The following DAGLB variants were observed in gnomAD, a reference collection of about 807,000 sequenced individuals.
DAGLB encodes diacylglycerol lipase-beta.
In DAGLB, 66 loss-of-function variants were observed where a neutral mutation model predicts 72.1. The ratio of observed to expected loss-of-function variants is 0.92; its 90% CI spans 0.75 to 1.12. DAGLB has a LOEUF of 1.12. Among genes scored for constraint, DAGLB ranks in the 50% most tolerant of loss-of-function variants. The pLI, the probability that DAGLB is intolerant of heterozygous loss-of-function variation, is 0.00. For missense variants in DAGLB, 1,065 were observed against 884.9 expected (o/e 1.20, Z -2.58); for synonymous variants, 414 against 359.5 (o/e 1.15, Z -1.71).
At chr7:6,436,856 T>C (rs1360645901) in intron 2 of DAGLB, among the ~76,000 whole-genome samples, 2 of 151,950 alleles carry the variant, frequency 1.3e-5, no homozygotes, top group East Asian at 1.9e-4. Flanking sequence ...CTATTAATAA[T>C]TATGCTGGGG....
At chr7:6,440,004 A>C (rs1209443563) in intron 2 of DAGLB, among the ~76,000 whole-genome samples, 1 of 149,972 alleles carries the variant, frequency 6.7e-6, no homozygotes, top group Non-Finnish European at 1.5e-5. Flanking sequence ...GTGAGCTAAG[A>C]TCACGCCACT....
rs935802157 is a variant in DAGLB, at chr7:6,430,512, G to A, written c.897C>T (p.Pro299=). ...CACCAATCCTGCACAGCCCCGTGAGGGGGTTTCTGTAGATGTAGAGGGGCC... is the reference window on the plus strand; with the variant it reads ...CACCAATCCTGCACAGCCCCGTGAGAGGGTTTCTGTAGATGTAGAGGGGCC... ...YGWPLYIYRN[P]LTGLCRIGGD... is the part of the protein sequence containing the mutation. Residue 299 remains proline (P), a synonymous_variant, in exon 6 of 15, where the codon CCC becomes CCT. Transcript: ENST00000297056. 1 of 1,598,402 alleles carries A rather than the reference G, an allele frequency of 6.3e-7. No individual in the cohort carries two copies. The highest frequency in any genetic ancestry group is 8.5e-7 in the Non-Finnish European group (1 of 1,169,690).
Position 6,432,983 on chromosome 7 carries a change from T to C in DAGLB, c.679-24A>G, listed in dbSNP as rs377387653. ...TCCTGGGTGGGAAACCACAATGGCC[T>C]GTCATAAAACCCAGCAGGCACCACC... On this transcript the variant is annotated intron_variant, in intron 4 of 14. Transcript: ENST00000297056. 8.1e-6 allele frequency: 13 copies of C among 1,609,760 alleles called. No homozygotes were observed. The Admixed American group carries it at 1.3e-4, about 17-fold the overall frequency.
At chr7:6,432,387 G>A (rs1784512360) in intron 5 of DAGLB, among the ~76,000 whole-genome samples, 1 of 151,964 alleles carries the variant, frequency 6.6e-6, no homozygotes, top group South Asian at 2.1e-4. Context: ...GCTGGGCACG[G>A]TGGCTCACGC....
rs747436600 is a variant in DAGLB at position 6,424,839 on chromosome 7, C to A, written c.1057-4G>T. On this transcript the variant is annotated splice_polypyrimidine_tract_variant and splice_region_variant and intron_variant, in intron 7 of 14. Transcript: ENST00000297056. ...CTAAAAACGGCAGCTCGTAAACCTG[C>A]AGGAGCAAGAAACAAGCATGGGGCC... is the stretch of plus-strand genomic sequence containing the variant. 2.5e-6 allele frequency: 4 copies of A among 1,613,386 alleles called. No individual in the cohort carries two copies. Among genetic ancestry groups the A allele is most frequent in the Non-Finnish European group, 3.4e-6 (4 of 1,179,588 alleles).
At chr7:6,420,839 G>GA (rs1784090510) in intron 9 of DAGLB, among the ~76,000 whole-genome samples, 1 of 152,212 alleles carries the variant, frequency 6.6e-6, no homozygotes. Flanking sequence ...AGCACAGTGA[G>GA]CATGAAACTG....
chr7:6,410,798 G>A (rs1042253866), intron 13 of DAGLB, among the ~76,000 whole-genome samples: 1 of 151,882 alleles, frequency 6.6e-6, no homozygotes, highest in Non-Finnish European at 1.5e-5. Context: ...TCTGCCTCCC[G>A]AATTCAAGCG....
intron 9 of DAGLB, chr7:6,417,723 C>G (rs1783966926): frequency 6.6e-6 from 1 of 152,222 alleles, no homozygotes; most frequent in South Asian, 2.1e-4. Flanking sequence ...TCTAAAACAA[C>G]TACAGAATCC....
intron 9 of DAGLB, among the ~76,000 whole-genome samples, chr7:6,419,973 T>A (rs1016866841): frequency 3.3e-5 from 5 of 151,814 alleles, no homozygotes; most frequent in African/African-American, 1.2e-4. Flanking sequence ...AGAGACCCCA[T>A]CTCTACAAAA....
At chr7:6,435,652 G>A (rs1784631481) in intron 3 of DAGLB, among the ~76,000 whole-genome samples, 1 of 152,130 alleles carries the variant, frequency 6.6e-6, no homozygotes, top group Non-Finnish European at 1.5e-5. Context: ...CATGACATAC[G>A]CCCTTCCCCT....
chr7:6,443,049 G>T (rs2115298711), intron 2 of DAGLB, among the ~76,000 whole-genome samples: 2 of 151,018 alleles, frequency 1.3e-5, no homozygotes, highest in African/African-American at 4.8e-5. Context: ...CAGGCACGGT[G>T]GCGGGCGCCT....
intron 13 of DAGLB, among the ~76,000 whole-genome samples, chr7:6,411,974 A>AGGGCAGTG (rs1583278246): frequency 6.6e-6 from 1 of 151,278 alleles, no homozygotes; most frequent in Admixed American, 6.6e-5. Context: ...AACAGGCTGG[A>AGGGCAGTG]GTGCGATCTT....
intron 13 of DAGLB, among the ~76,000 whole-genome samples, chr7:6,411,441 G>GT (rs1402969118): frequency 1.3e-5 from 2 of 152,336 alleles, no homozygotes; most frequent in Non-Finnish European, 2.9e-5. Context: ...GGGCAACATG[G>GT]TAAGACCCTG....
chr7:6,425,673 T>C (rs1479697710), intron 7 of DAGLB, among the ~76,000 whole-genome samples: 3 of 152,112 alleles, frequency 2.0e-5, no homozygotes, highest in South Asian at 2.1e-4. Flanking sequence ...AGGACGACGA[T>C]ACGAATCCCA....
chr7:6,410,296 G>A lies in DAGLB; in HGVS notation c.1654C>T (p.Gln552Ter), dbSNP rs1783676922. The part of the protein sequence containing the change: ...NLPTELDGGD[Q>*]EVLTQPLLGE... Reference sequence around the variant, plus strand: ...AGAAGAGGCTGTGTCAGGACTTCCTGGTCGCCCCCGTCCAGCTCCGTGGGC... The same window carrying A: ...AGAAGAGGCTGTGTCAGGACTTCCTAGTCGCCCCCGTCCAGCTCCGTGGGC... The change falls in exon 14 of 15, where the codon CAG (glutamine) becomes TAG (stop). Residue 552 changes from glutamine to a stop codon, truncating the protein, a stop_gained. Transcript: ENST00000297056. LOFTEE classifies it high-confidence loss of function. The A allele has an allele frequency of 1.2e-6, 2 of 1,613,986 alleles. No individual in the cohort carries two copies. The highest frequency in any genetic ancestry group is 1.7e-6 in the Non-Finnish European group (2 of 1,179,954).
chr7:6,426,977 A>C (rs1217151444), intron 6 of DAGLB, among the ~76,000 whole-genome samples: 1 of 152,060 alleles, frequency 6.6e-6, no homozygotes, highest in Non-Finnish European at 1.5e-5. Flanking sequence ...GTGTGGTGGC[A>C]GGCGCCTGTA....
At chr7:6,411,397 A>G (rs1429990528) in intron 13 of DAGLB, among the ~76,000 whole-genome samples, 5 of 152,184 alleles carry the variant, frequency 3.3e-5, no homozygotes, top group African/African-American at 1.2e-4. Context: ...CAAGGCAAGC[A>G]GATTGCTTCA....
chr7:6,440,629 G>C (rs1784798122), intron 2 of DAGLB, among the ~76,000 whole-genome samples: 1 of 152,154 alleles, frequency 6.6e-6, no homozygotes, highest in Non-Finnish European at 1.5e-5. Flanking sequence ...GGGTGCAGTA[G>C]CTCATGCCTG....
At chr7:6,446,312 CA>C (rs11315985) in intron 1 of DAGLB, among the ~76,000 whole-genome samples, 94,623 of 123,320 alleles carry the variant, frequency 0.77, 35,762 homozygotes, top group South Asian at 0.83. Context: ...ACGAAAAATA[CA>C]AAAAAAAAAA....
Sources: gnomAD v4.1 joint callset for allele counts (sites outside exome capture counted in the v4.1 genomes callset) on GRCh38, gnomAD v4.1.1 for gene constraint, MANE v1.5 for transcripts, NCBI Gene and HGNC (gene_info 2026-07-23, HGNC 2026-07-21) for gene names.